Variants in UGT1A5 observed in about 807,000 individuals in gnomAD.
UGT1A5 encodes UDP glucuronosyltransferase family 1 member A5.
In UGT1A5, 29 loss-of-function variants were observed where a neutral mutation model predicts 40.3. The ratio of observed to expected loss-of-function variants is 0.72; its 90% CI spans 0.54 to 0.98. UGT1A5 has a LOEUF of 0.98. Among genes scored for constraint, UGT1A5 ranks in the 50% least tolerant of loss-of-function variants. The probability of loss-of-function intolerance (pLI) is 0.00; values close to 1 mark genes in which losing one functional copy is unlikely to be tolerated. For synonymous variants in UGT1A5, 257 were observed against 262.5 expected (o/e 0.98, Z 0.20); for missense variants, 678 against 677.9 (o/e 1.00, Z 0.00).
chr2:233,746,322 CT>C (rs1693360361), intron 1 of UGT1A5, among the ~76,000 whole-genome samples: 1 of 151,756 alleles, frequency 6.6e-6, no homozygotes, highest in Admixed American at 6.5e-5. Flanking sequence ...TGTAGATGAT[CT>C]ACAGGGCAAT....
chr2:233,713,868 G>A lies in UGT1A5; in HGVS notation c.867+10G>A. On this transcript the variant is annotated intron_variant, in intron 1 of 4. Coordinates refer to ENST00000373414, the MANE Select transcript of UGT1A5 (RefSeq NM_019078.2). ...GAAGCCACTATCTCAGGTCTGTATTGGTGCCTTTATCCAATCAATGTTCCA... is the reference window on the plus strand; with the variant it reads ...GAAGCCACTATCTCAGGTCTGTATTAGTGCCTTTATCCAATCAATGTTCCA... The A allele has an allele frequency of 6.2e-7, 1 of 1,613,750 alleles. No individual in the cohort carries two copies. Among genetic ancestry groups the A allele is most frequent in the Non-Finnish European group, 8.5e-7 (1 of 1,179,926 alleles).
chr2:233,725,665 A>G (rs933805382), intron 1 of UGT1A5, among the ~76,000 whole-genome samples: 6 of 152,202 alleles, frequency 3.9e-5, no homozygotes, highest in Admixed American at 3.9e-4. Context: ...TCAATTTGGA[A>G]TAGTCACATT....
intron 1 of UGT1A5, among the ~76,000 whole-genome samples, chr2:233,738,308 G>T (rs1018461415): frequency 7.9e-5 from 12 of 152,194 alleles, no homozygotes; most frequent in African/African-American, 2.7e-4. Flanking sequence ...TGTCTTTATA[G>T]CAGTGTGTGA....
intron 4 of UGT1A5, among the ~76,000 whole-genome samples, chr2:233,771,908 A>G (rs1288111972): frequency 2.6e-5 from 4 of 151,904 alleles, no homozygotes; most frequent in African/African-American, 9.7e-5. Context: ...TTCAGGTGAT[A>G]ATAGTAACAC....
At chr2:233,722,231 T>C (rs1012078678) in intron 1 of UGT1A5, among the ~76,000 whole-genome samples, 1 of 152,246 alleles carries the variant, frequency 6.6e-6, no homozygotes, top group Non-Finnish European at 1.5e-5. Context: ...AAAATCTTTA[T>C]CATGTATTAT....
intron 1 of UGT1A5, among the ~76,000 whole-genome samples, chr2:233,751,332 T>C (rs1042149461): frequency 1.3e-5 from 2 of 152,004 alleles, no homozygotes; most frequent in African/African-American, 4.8e-5. Flanking sequence ...CCATTGTGTC[T>C]TGGAAGTTAC....
chr2:233,759,153 G>C (rs1244080154), intron 1 of UGT1A5, among the ~76,000 whole-genome samples: 1 of 152,246 alleles, frequency 6.6e-6, no homozygotes, highest in African/African-American at 2.4e-5. Flanking sequence ...GAGTTCCACA[G>C]AACACAAGGC....
chr2:233,722,935 G>A (rs1228293492), intron 1 of UGT1A5, among the ~76,000 whole-genome samples: 1 of 129,296 alleles, frequency 7.7e-6, no homozygotes, highest in Non-Finnish European at 1.6e-5. Flanking sequence ...TTGTCTCCAT[G>A]CTGAGTGGGC....
chr2:233,730,291 G>T (rs962328046), intron 1 of UGT1A5, among the ~76,000 whole-genome samples: 2 of 152,200 alleles, frequency 1.3e-5, no homozygotes, highest in African/African-American at 4.8e-5. Context: ...CTTCATGGTT[G>T]TGCATGTCCT....
At chr2:233,742,694 A>G (rs1343342305) in intron 1 of UGT1A5, 1 of 152,520 alleles carries the variant, frequency 6.6e-6, no homozygotes, top group Admixed American at 6.5e-5. Context: ...CAGAGGGAAC[A>G]TGCTTCCACC....
intron 1 of UGT1A5, chr2:233,750,809 A>C (rs893471705): frequency 1.3e-5 from 2 of 151,828 alleles, no homozygotes; most frequent in African/African-American, 4.9e-5. Context: ...AGGTTTGGGA[A>C]CCTCCACATA....
rs200357281 is a variant in UGT1A5 at position 233,713,228 on chromosome 2, G to C, written c.237G>C (p.Thr79=). The C allele has an allele frequency of 7.1e-5, 114 of 1,614,178 alleles. No individual in the cohort carries two copies. Among genetic ancestry groups the C allele is most frequent in the South Asian group, 3.1e-4 (28 of 91,030 alleles). The change falls in exon 1 of 5, where the codon ACG becomes ACC. Residue 79 remains threonine (T), a synonymous_variant. Coordinates refer to ENST00000373414, the MANE Select transcript of UGT1A5 (RefSeq NM_019078.2). Reference sequence around the variant, plus strand: ...AAGAGAACTTTTTCACCCTGACAACGTATGCCATTTCATGGACCCAGGACG... The same window carrying C: ...AAGAGAACTTTTTCACCCTGACAACCTATGCCATTTCATGGACCCAGGACG... ...IKEENFFTLT[T]YAISWTQDEF...
intron 1 of UGT1A5, chr2:233,747,257 G>T: frequency 6.2e-7 from 1 of 1,600,080 alleles, no homozygotes; most frequent in Non-Finnish European, 8.5e-7. Context: ...CTGGCCACAG[G>T]AGTGCTACTC....
chr2:233,745,759 G>A (rs1184455578), intron 1 of UGT1A5, among the ~76,000 whole-genome samples: 1 of 150,666 alleles, frequency 6.6e-6, no homozygotes, highest in Non-Finnish European at 1.5e-5. Flanking sequence ...CAGAAGGGGT[G>A]GAGAGGAGGA....
intron 1 of UGT1A5, among the ~76,000 whole-genome samples, chr2:233,742,351 C>G (rs1691948026): frequency 6.6e-6 from 1 of 151,962 alleles, no homozygotes; most frequent in South Asian, 2.1e-4. Flanking sequence ...GGCTAATTAT[C>G]TGCAGCAGAA....
chr2:233,747,345 C>G (rs905208353), intron 1 of UGT1A5: 1 of 1,602,430 alleles, frequency 6.2e-7, no homozygotes, highest in Admixed American at 1.7e-5. Context: ...GGCTCGCATG[C>G]GGGAGGCCGT....
chr2:233,769,824 C>A lies in UGT1A5; in HGVS notation c.1307+1385C>A. On this transcript the variant is annotated intron_variant, in intron 4 of 4. Transcript: ENST00000373414. This position sits in a 1 kb window ranked among gnomAD's most constrained non-coding sequence, Gnocchi z 4.4. The stretch of plus-strand genomic sequence containing the variant: ...GAGCCGTGATCATGCCACTGCACTC[C>A]AGCAACCTGGGCAACAGAGTGAGAC... 2 of 763,338 alleles carry A rather than the reference C, an allele frequency of 2.6e-6. No homozygotes were observed. The highest frequency in any genetic ancestry group is 3.7e-6 in the Non-Finnish European group (2 of 534,878). The allele number at this position is 763,338 out of a possible 1,614,324, so 47.3% of individuals were successfully genotyped here. A position where few individuals can be genotyped will look rare whatever the true frequency, so the allele number is the denominator to read the frequency against.
intron 1 of UGT1A5, among the ~76,000 whole-genome samples, chr2:233,720,278 T>G (rs1449886876): frequency 6.6e-6 from 1 of 151,854 alleles, no homozygotes; most frequent in Non-Finnish European, 1.5e-5. Flanking sequence ...CTGAGAAAAG[T>G]TTTTCTGACC....
At chr2:233,765,400 T>G (rs1698825297) in intron 1 of UGT1A5, among the ~76,000 whole-genome samples, 1 of 152,170 alleles carries the variant, frequency 6.6e-6, no homozygotes, top group Admixed American at 6.5e-5. Context: ...ATGTGGTACA[T>G]ATACACCATG....
Sources: gnomAD v4.1 joint callset for allele counts (sites outside exome capture counted in the v4.1 genomes callset) on GRCh38, gnomAD v4.1.1 for gene constraint, Gnocchi (gnomAD v3.1) non-coding constraint, MANE v1.5 for transcripts, NCBI Gene and HGNC (gene_info 2026-07-23, HGNC 2026-07-21) for gene names.